The following APC variants were observed in gnomAD, a reference collection of about 807,000 sequenced individuals.
The protein encoded by APC is adenomatous polyposis coli protein.
Under a neutral mutation model 247.0 loss-of-function variants are expected in APC, and 72 were observed. The ratio of observed to expected loss-of-function variants is 0.29; its 90% CI spans 0.24 to 0.35. The LOEUF (loss-of-function observed/expected upper bound fraction) is 0.35, where lower values mean the gene tolerates loss of function less well. APC is among the 10% of genes least tolerant of loss of function. APC has a pLI of 1.00. For synonymous variants in APC, 1,254 were observed against 1,162.5 expected, an observed-to-expected ratio of 1.08 and a Z score of -1.60; for missense variants, 3,400 against 3,360.7, an observed-to-expected ratio of 1.01 and a Z score of -0.29.
At chr5:112,716,027 A>G (rs1751151855) in intron 1 of APC, among the ~76,000 whole-genome samples, 1 of 151,956 alleles carries the variant, frequency 6.6e-6, no homozygotes, top group Admixed American at 6.6e-5. Context: ...TATTAGTTTC[A>G]CCAGAGATCA....
chr5:112,753,679 A>T (rs1223801667), intron 1 of APC, among the ~76,000 whole-genome samples: 1 of 152,134 alleles, frequency 6.6e-6, no homozygotes, highest in Non-Finnish European at 1.5e-5. Flanking sequence ...TGTAGAACTA[A>T]CTAGATCTAA....
In APC at chr5:112,828,970, A is replaced by C; in HGVS notation, c.1741A>C (p.Lys581Gln). The change falls in exon 14 of 16, where the codon AAG becomes CAG. Residue 581 changes from lysine (K) to glutamine (Q), a missense_variant and splice_region_variant. By Grantham distance (53) the Lys-to-Gln change is moderately conservative. Transcript: ENST00000257430. ...GATGGAATGTGCTTTAGAAGTTAAA[A>C]AGGTACCTTTGAAAACATTTAGTAC... ...ALMECALEVK[K>Q]ESTLKSVLSA... The C allele has an allele frequency of 6.2e-7, 1 of 1,607,748 alleles. No homozygotes were observed. Among genetic ancestry groups the C allele is most frequent in the Non-Finnish European group, 8.5e-7 (1 of 1,174,334 alleles).
At position 112,759,521 on chromosome 5, in the gene APC, C is replaced by T. The variant is rs191006232; in HGVS notation, c.135+4496C>T. Among the ~76,000 whole-genome samples the T allele has an allele frequency of 2.9e-3, 446 of 152,018 alleles. 4 individuals carry two copies. The highest frequency in any genetic ancestry group is 4.8e-3 in the Non-Finnish European group (329 of 67,962). On this transcript the variant is annotated intron_variant, in intron 2 of 15. Transcript: ENST00000257430. ...TACAGGCGTGCACCACCACGCCCAG[C>T]TAATTTTTGTATTTTTAGTAGAGAT...
rs1561599480 is a variant in APC, at chr5:112,840,944, G to A, written c.5350G>A (p.Glu1784Lys). Residue 1784 changes from glutamate to lysine, a missense_variant, in exon 16 of 16, where the codon GAA (glutamate) becomes AAA (lysine). By Grantham distance (56) the Glu-to-Lys change is moderately conservative. Coordinates refer to ENST00000257430, the MANE Select transcript of APC (RefSeq NM_000038.6). The surrounding 1 kb of genome is among the most constrained non-coding windows in gnomAD (Gnocchi z 4.1). The stretch of plus-strand genomic sequence containing the variant: ...AGTAAAACCTATACCACAAAATACT[G>A]AATATAGGACACGTGTAAGAAAAAA... Reference protein sequence around the residue: ...SPVKPIPQNTEYRTRVRKNAD... With the variant: ...SPVKPIPQNTKYRTRVRKNAD... 1 of 1,613,432 alleles carries A rather than the reference G, an allele frequency of 6.2e-7. No homozygotes were observed. Among genetic ancestry groups the A allele is most frequent in the Non-Finnish European group, 8.5e-7 (1 of 1,179,600 alleles).
intron 1 of APC, among the ~76,000 whole-genome samples, chr5:112,744,874 A>G (rs1753464949): frequency 1.3e-5 from 2 of 152,334 alleles, no homozygotes; most frequent in South Asian, 4.1e-4. Context: ...AAACAAGTAC[A>G]GATTTGAATT....
chr5:112,789,109 C>T (rs889243134), intron 6 of APC, among the ~76,000 whole-genome samples: 2 of 152,144 alleles, frequency 1.3e-5, no homozygotes, highest in Non-Finnish European at 2.9e-5. Context: ...TATCCTGAAT[C>T]TGTATTACTA....
intron 1 of APC, among the ~76,000 whole-genome samples, chr5:112,719,884 A>G (rs1409828991): frequency 6.6e-6 from 1 of 152,216 alleles, no homozygotes; most frequent in Non-Finnish European, 1.5e-5. Context: ...TATGCCATGT[A>G]GGTGTCATGA....
chr5:112,844,071 G>A lies in APC; in HGVS notation c.8477G>A (p.Ser2826Asn), dbSNP rs587780609. The A allele has an allele frequency of 6.2e-7, 1 of 1,608,788 alleles. No homozygotes were observed. The highest frequency in any genetic ancestry group is 8.5e-7 in the Non-Finnish European group (1 of 1,178,846). ...RDSKTDSTES[S>N]GTQSPKRHSG... is the part of the protein sequence containing the mutation. ...TCCAAAACTGACAGCACAGAATCCA[G>A]TGGAACCCAAAGTCCTAAGCGCCAT... Residue 2826 changes from serine to asparagine, a missense_variant, in exon 16 of 16, where the codon AGT (serine) becomes AAT (asparagine). Transcript: ENST00000257430.
At chr5:112,788,249 A>G (rs781339010) in intron 6 of APC, among the ~76,000 whole-genome samples, 13 of 152,204 alleles carry the variant, frequency 8.5e-5, no homozygotes, top group Non-Finnish European at 1.6e-4. Context: ...TTAAAAATGT[A>G]GTATTCTGCC....
rs969806866 is a variant in APC, at chr5:112,846,170, G to A, written c.*2044G>A. ...TTTAAATTTTTGCCAAATGTTATCT[G>A]AAATTGTCTATGAATACCATCTACT... is the stretch of plus-strand genomic sequence containing the variant. On this transcript the variant is annotated 3_prime_UTR_variant, in exon 16 of 16. Transcript: ENST00000257430. 9 of 231,864 alleles carry A rather than the reference G, an allele frequency of 3.9e-5. No individual in the cohort carries two copies. Among genetic ancestry groups the A allele is most frequent in the African/African-American group, 2.0e-4 (9 of 45,280 alleles). The allele number at this position is 231,864 out of a possible 1,614,324, so 14.4% of individuals were successfully genotyped here.
chr5:112,800,707 G>A (rs529661360), intron 7 of APC, among the ~76,000 whole-genome samples: 145 of 152,214 alleles, frequency 9.5e-4, no homozygotes, highest in Middle Eastern at 3.4e-3. Flanking sequence ...TTTACTGGAT[G>A]TAATCTGTCA....
At position 112,840,686 on chromosome 5, in the gene APC, G is replaced by A. The variant is rs745542459; in HGVS notation, c.5092G>A (p.Asp1698Asn). 3 of 1,614,092 alleles carry A rather than the reference G, an allele frequency of 1.9e-6. No individual in the cohort carries two copies. Among genetic ancestry groups the A allele is most frequent in the Non-Finnish European group, 2.5e-6 (3 of 1,179,982 alleles). Residue 1698 changes from aspartate to asparagine, a missense_variant, in exon 16 of 16, where the codon GAT (aspartate) becomes AAT (asparagine). This residue lies in a region of APC where 1,788 missense variants were observed against 1,649.5 expected (regional missense o/e 1.08). Transcript: ENST00000257430. The surrounding 1 kb of genome is among the most constrained non-coding windows in gnomAD (Gnocchi z 4.1). The part of the protein sequence containing the change: ...DTIPTEGRST[D>N]EAQGGKTSSV... ...CATTCCTACAGAAGGCAGAAGTACA[G>A]ATGAGGCTCAAGGAGGAAAAACCTC...
At chr5:112,768,928 A>G (rs1250593684) in intron 4 of APC, among the ~76,000 whole-genome samples, 1 of 151,736 alleles carries the variant, frequency 6.6e-6, no homozygotes, top group Non-Finnish European at 1.5e-5. Context: ...CCTCCTATCT[A>G]GCTGTAATTT....
intron 2 of APC, among the ~76,000 whole-genome samples, chr5:112,759,736 A>G (rs1043678243): frequency 2.6e-5 from 4 of 152,252 alleles, no homozygotes; most frequent in Admixed American, 2.6e-4. Context: ...TTAATCTTTT[A>G]AAACTGAGCT....
chr5:112,748,594 T>C (rs1473265425), intron 1 of APC, among the ~76,000 whole-genome samples: 2 of 152,076 alleles, frequency 1.3e-5, no homozygotes, highest in East Asian at 3.9e-4. Context: ...TAGCTGGGTG[T>C]GGAGCGCCTG....
At chr5:112,740,548 C>G (rs1752888835) in intron 1 of APC, among the ~76,000 whole-genome samples, 1 of 105,922 alleles carries the variant, frequency 9.4e-6, no homozygotes, top group Non-Finnish European at 1.8e-5. Flanking sequence ...TTTTTTGAGA[C>G]AGGGTCTCAC....
Position 112,840,519 on chromosome 5 carries a change from A to G in APC, c.4925A>G (p.Tyr1642Cys), listed in dbSNP as rs779499509. Reference protein sequence around the residue: ...FTPGDDMPRVYCVEGTPINFS... With the variant: ...FTPGDDMPRVCCVEGTPINFS... ...CCGGGGGATGATATGCCACGGGTGT[A>G]TTGTGTTGAAGGGACACCTATAAAC... is the stretch of plus-strand genomic sequence containing the variant. The change falls in exon 16 of 16, where the codon TAT becomes TGT. Residue 1642 changes from tyrosine (Y) to cysteine (C), a missense_variant. Tyr to Cys is a radical substitution (Grantham distance 194). Around this residue, in one of 9 missense-constraint regions of APC, gnomAD observed 1,788 missense variants for 1,649.5 expected, o/e 1.08. Transcript: ENST00000257430. The surrounding 1 kb of genome is among the most constrained non-coding windows in gnomAD (Gnocchi z 4.1). 2 of 1,614,144 alleles carry G rather than the reference A, an allele frequency of 1.2e-6. No homozygotes were observed. Among genetic ancestry groups the G allele is most frequent in the East Asian group, 2.2e-5 (1 of 44,878 alleles).
chr5:112,821,258 C>G (rs1364648286), intron 10 of APC, among the ~76,000 whole-genome samples: 1 of 152,054 alleles, frequency 6.6e-6, no homozygotes, highest in African/African-American at 2.4e-5. Context: ...ATAATTCTAG[C>G]ACTATGGGAG....
At chr5:112,717,908 CTTTTTTTT>C in intron 1 of APC, among the ~76,000 whole-genome samples, 91 of 40,636 alleles carry the variant, frequency 2.2e-3, no homozygotes, top group Non-Finnish European at 2.5e-3. Context: ...TTTTCTTTTT[CTTTTTTTT>C]TTTTTTTTTT....
Sources: gnomAD v4.1 joint callset for allele counts (sites outside exome capture counted in the v4.1 genomes callset) on GRCh38, gnomAD v4.1.1 for gene constraint, gnomAD v4.1.1 regional missense constraint, Gnocchi (gnomAD v3.1) non-coding constraint, MANE v1.5 for transcripts, NCBI Gene and HGNC (gene_info 2026-07-23, HGNC 2026-07-21) for gene names.